Variants in HECW2 observed in about 807,000 individuals in gnomAD.
The protein encoded by HECW2 is HECT, C2 and WW domain containing E3 ubiquitin protein ligase 2.
A neutral mutation model predicts 175.2 loss-of-function variants in HECW2; 61 were observed. That is an observed-to-expected ratio of 0.35 (90% CI 0.28 to 0.43). HECW2 has a LOEUF of 0.43. Among genes scored for constraint, HECW2 ranks in the 20% least tolerant of loss-of-function variants. HECW2 has a pLI of 1.00. For synonymous variants in HECW2, 671 were observed against 731.0 expected, an observed-to-expected ratio of 0.92 and a Z score of 1.32; for missense variants, 1,524 against 2,000.5, an observed-to-expected ratio of 0.76 and a Z score of 4.54.
chr2:196,470,525 AGTTTT>A (rs1291837146), intron 1 of HECW2, among the ~76,000 whole-genome samples: 4 of 151,908 alleles, frequency 2.6e-5, no homozygotes, highest in Non-Finnish European at 5.9e-5. Context: ...TGTGTTTTGG[AGTTTT>A]GTTTTGTTTT....
rs1575325122 is a variant in HECW2, at chr2:196,266,856, G to A, written c.3335+4337C>T. ...AAATTAAACTCTAACAAAACCCCAG[G>A]GCTCTTCAAATAGGATAATGAAAGG... On this transcript the variant is annotated intron_variant, in intron 17 of 28. Transcript: ENST00000644978. Among the ~76,000 whole-genome samples, 4 of 152,046 alleles carry A rather than the reference G, an allele frequency of 2.6e-5. No homozygotes were observed. In the South Asian group the frequency reaches 8.3e-4, roughly 32 times the overall value.
chr2:196,466,284 A>G (rs887141762), intron 1 of HECW2, among the ~76,000 whole-genome samples: 28 of 152,254 alleles, frequency 1.8e-4, no homozygotes, highest in Non-Finnish European at 3.1e-4. Context: ...CCATCCTGAG[A>G]CCTCAGGTTG....
chr2:196,403,038 C>T (rs376939371), intron 2 of HECW2, among the ~76,000 whole-genome samples: 3 of 152,248 alleles, frequency 2.0e-5, no homozygotes, highest in East Asian at 3.9e-4. Context: ...AACTCCTGAC[C>T]TCAGGTGATC....
chr2:196,339,945 T>C (rs1236064989), intron 3 of HECW2, among the ~76,000 whole-genome samples: 3 of 152,214 alleles, frequency 2.0e-5, no homozygotes, highest in Non-Finnish European at 4.4e-5. Context: ...AAATTTGGAC[T>C]ACCTGCCTCC....
intron 1 of HECW2, among the ~76,000 whole-genome samples, chr2:196,534,518 T>A (rs1688953098): frequency 6.6e-6 from 1 of 152,176 alleles, no homozygotes; most frequent in Non-Finnish European, 1.5e-5. Context: ...GCCTCAGAAA[T>A]GAGAACGGGG....
intron 1 of HECW2, chr2:196,586,459 G>A (rs1690977495): frequency 1.3e-5 from 2 of 152,130 alleles, no homozygotes; most frequent in Admixed American, 1.3e-4. Flanking sequence ...TGTCAGCTTG[G>A]GGAAGCAGTC....
rs183431947 is a variant in HECW2 at position 196,334,966 on chromosome 2, G to C, written c.401-448C>G. ...GAAATGAGAGTCAGGACTCAAACCT[G>C]AGCTGTCTGATTCCAAAGCCTTCAC... On this transcript the variant is annotated intron_variant, in intron 3 of 28. Coordinates refer to ENST00000644978, the MANE Select transcript of HECW2 (RefSeq NM_001348768.2). Among the ~76,000 whole-genome samples, 13 of 152,286 alleles carry C rather than the reference G, an allele frequency of 8.5e-5. No individual in the cohort carries two copies. In the East Asian group the frequency reaches 2.3e-3, roughly 27 times the overall value.
chr2:196,581,923 G>A (rs532231859), intron 1 of HECW2, among the ~76,000 whole-genome samples: 6 of 151,986 alleles, frequency 3.9e-5, no homozygotes, highest in Admixed American at 6.5e-5. Flanking sequence ...AAAATTAGCC[G>A]GGAGTGGTGG....
chr2:196,449,661 AT>A (rs1696287139), intron 1 of HECW2, among the ~76,000 whole-genome samples: 1 of 152,208 alleles, frequency 6.6e-6, no homozygotes, highest in Admixed American at 6.5e-5. Context: ...CAGTTTATAA[AT>A]AAATTATTTT....
rs1436606229 is a variant in HECW2 at position 196,320,432 on chromosome 2, T to C, written c.892A>G (p.Met298Val). Residue 298 changes from methionine to valine, a missense_variant, in exon 8 of 29, where the codon ATG (methionine) becomes GTG (valine). Coordinates refer to ENST00000644978, the MANE Select transcript of HECW2 (RefSeq NM_001348768.2). Reference sequence around the variant, plus strand: ...CTTCTGCCAAGGTTGTAGCTGAGCATTTGATCACTGCAAGAAGAGAAATGC... The same window carrying C: ...CTTCTGCCAAGGTTGTAGCTGAGCACTTGATCACTGCAAGAAGAGAAATGC... ...LLERQAIGDQMLSYNLGRRLP... is the reference protein window; with the variant it reads ...LLERQAIGDQVLSYNLGRRLP... 1.2e-6 allele frequency: 2 copies of C among 1,608,470 alleles called. No individual in the cohort carries two copies. Among genetic ancestry groups the C allele is most frequent in the Non-Finnish European group, 1.7e-6 (2 of 1,175,254 alleles).
chr2:196,436,400 CAAAAA>C (rs35290180), intron 1 of HECW2, among the ~76,000 whole-genome samples: 1 of 82,084 alleles, frequency 1.2e-5, no homozygotes. Context: ...GACTCCATCT[CAAAAA>C]AAAAAAAAAA....
intron 13 of HECW2, among the ~76,000 whole-genome samples, chr2:196,299,351 GC>G (rs1265228490): frequency 5.4e-5 from 8 of 146,808 alleles, no homozygotes; most frequent in Non-Finnish European, 1.0e-4. Flanking sequence ...AAGCCTGTAA[GC>G]TGCTTAGTAT....
At chr2:196,534,141 T>C (rs1442788552) in intron 1 of HECW2, among the ~76,000 whole-genome samples, 1 of 152,208 alleles carries the variant, frequency 6.6e-6, no homozygotes, top group Non-Finnish European at 1.5e-5. Flanking sequence ...AATTTGAAAG[T>C]AGTATGTATA....
chr2:196,513,274 G>C (rs972173367), intron 1 of HECW2, among the ~76,000 whole-genome samples: 2 of 152,168 alleles, frequency 1.3e-5, no homozygotes, highest in African/African-American at 4.8e-5. Flanking sequence ...ACTTTGGGAG[G>C]CTAAGGCAGG....
Position 196,322,573 on chromosome 2 carries a change from A to C in HECW2, c.789T>G (p.Ile263Met). ...ALLTDVLEIE[I>M]KDKFAKSRPI... ...GACGGCTCTTGGCAAATTTGTCTTT[A>C]ATTTCAATTTCTAAGACATCAGTAA... Residue 263 changes from isoleucine to methionine, a missense_variant, in exon 7 of 29, where the codon ATT becomes ATG. Ile to Met is a conservative substitution (Grantham distance 10, BLOSUM62 1). Coordinates refer to ENST00000644978, the MANE Select transcript of HECW2 (RefSeq NM_001348768.2). 6.2e-7 allele frequency: 1 copy of C among 1,613,450 alleles called. No homozygotes were observed.
chr2:196,209,378 A>G (rs1687182449), intron 28 of HECW2, among the ~76,000 whole-genome samples: 1 of 152,218 alleles, frequency 6.6e-6, no homozygotes, highest in Non-Finnish European at 1.5e-5. Flanking sequence ...CAAAGTAAAG[A>G]CCAATCCAAA....
chr2:196,219,905 CT>C, intron 26 of HECW2, 133 bp downstream of exon 26: 1 of 633,772 alleles, frequency 1.6e-6, no homozygotes, highest in East Asian at 2.7e-5. Context: ...TGCCCAAGGT[CT>C]CAAGGGAGCC....
At chr2:196,268,253 C>T (rs925421091) in intron 17 of HECW2, among the ~76,000 whole-genome samples, 1 of 152,208 alleles carries the variant, frequency 6.6e-6, no homozygotes, top group Non-Finnish European at 1.5e-5. Flanking sequence ...CATTGATTTA[C>T]TTTTACTTAT....
intron 5 of HECW2, among the ~76,000 whole-genome samples, chr2:196,327,066 A>G (rs1692181312): frequency 6.6e-6 from 1 of 152,204 alleles, no homozygotes; most frequent in Admixed American, 6.5e-5. Context: ...TATTCTTTAT[A>G]TATTAAATCT....
Sources: allele counts gnomAD v4.1 joint callset (sites outside exome capture counted in the v4.1 genomes callset), GRCh38; gene constraint gnomAD v4.1.1; transcripts MANE v1.5; gene names NCBI Gene and HGNC (gene_info 2026-07-23, HGNC 2026-07-21).